ITGA1: variants seen among roughly 807,000 people sequenced by gnomAD.
The protein encoded by ITGA1 is integrin alpha-1.
ITGA1 carries 85 observed loss-of-function variants against 145.9 expected under a neutral mutation model. That is an observed-to-expected ratio of 0.58 (90% confidence interval 0.49 to 0.70). The LOEUF (loss-of-function observed/expected upper bound fraction) is 0.70. Ranked by LOEUF, ITGA1 falls within the 30% of genes least tolerant of loss-of-function variation. The probability of loss-of-function intolerance (pLI) is 0.00; values close to 1 mark genes in which losing one functional copy is unlikely to be tolerated. For missense variants in ITGA1, 1,351 were observed against 1,418.7 expected (o/e 0.95, Z 0.77); for synonymous variants, 520 against 495.3 (o/e 1.05, Z -0.66).
chr5:52,823,092 A>G (rs1414493602), intron 1 of ITGA1, among the ~76,000 whole-genome samples: 1 of 152,170 alleles, frequency 6.6e-6, no homozygotes, highest in East Asian at 1.9e-4. Flanking sequence ...AGTTCTCTCA[A>G]TGGTGCCCCG....
At chr5:52,823,127 T>G (rs1429852275) in intron 1 of ITGA1, among the ~76,000 whole-genome samples, 1 of 152,182 alleles carries the variant, frequency 6.6e-6, no homozygotes, top group African/African-American at 2.4e-5. Context: ...CTTCTGAATC[T>G]TAGACAAGCC....
At chr5:52,830,785 A>G (rs1393092073) in intron 1 of ITGA1, among the ~76,000 whole-genome samples, 7 of 152,194 alleles carry the variant, frequency 4.6e-5, no homozygotes, top group Admixed American at 1.3e-4. Flanking sequence ...TCACCCTAAC[A>G]TACTTTCCAT....
intron 1 of ITGA1, among the ~76,000 whole-genome samples, chr5:52,808,062 C>A (rs964171798): frequency 1.3e-5 from 2 of 152,042 alleles, no homozygotes; most frequent in Admixed American, 1.3e-4. Context: ...GGAGTGGATT[C>A]TGAAACACTG....
At chr5:52,802,388 T>G (rs1748508019) in intron 1 of ITGA1, 1 of 152,236 alleles carries the variant, frequency 6.6e-6, no homozygotes, top group Non-Finnish European at 1.5e-5. Flanking sequence ...AAGACAAGTT[T>G]TAAATATTTT....
intron 1 of ITGA1, among the ~76,000 whole-genome samples, chr5:52,836,537 A>G (rs1219604173): frequency 1.3e-5 from 2 of 152,122 alleles, no homozygotes; most frequent in East Asian, 1.9e-4. Flanking sequence ...TGAATGCGAG[A>G]TGACAGCTCC....
At chr5:52,889,816 A>C (rs1750114671) in intron 8 of ITGA1, 1 of 152,134 alleles carries the variant, frequency 6.6e-6, no homozygotes, top group Non-Finnish European at 1.5e-5. Flanking sequence ...GGAAAAAGAA[A>C]TGTGAAGCCA....
intron 1 of ITGA1, among the ~76,000 whole-genome samples, chr5:52,819,155 T>C (rs1395013855): frequency 6.6e-6 from 1 of 152,240 alleles, no homozygotes; most frequent in Non-Finnish European, 1.5e-5. Context: ...CCTTTGGGTA[T>C]ATACCCAGTA....
intron 26 of ITGA1, among the ~76,000 whole-genome samples, chr5:52,944,592 T>G (rs1193442345): frequency 6.6e-6 from 1 of 152,214 alleles, no homozygotes; most frequent in African/African-American, 2.4e-5. Flanking sequence ...TAATCCTAAA[T>G]AAGTGCCTAG....
intron 1 of ITGA1, among the ~76,000 whole-genome samples, chr5:52,796,016 C>T (rs780304677): frequency 4.9e-4 from 75 of 151,952 alleles, no homozygotes; most frequent in African/African-American, 1.2e-3. Context: ...AAAGATAGCA[C>T]GCAAAATTGA....
chr5:52,807,339 T>C (rs1290779819), intron 1 of ITGA1, among the ~76,000 whole-genome samples: 2 of 152,174 alleles, frequency 1.3e-5, no homozygotes, highest in East Asian at 1.9e-4. Flanking sequence ...TCAGGTCTTA[T>C]GGTAAGTGCT....
intron 14 of ITGA1, among the ~76,000 whole-genome samples, chr5:52,912,484 GTATTATATATAGTGTAT>G (rs1207541850): frequency 3.7e-3 from 454 of 122,888 alleles, no homozygotes; most frequent in African/African-American, 0.014. Context: ...TCCAGTATAT[GTATTATATATAGTGTAT>G]CCACTATAGG....
chr5:52,918,154 G>A (rs552058520), intron 15 of ITGA1, among the ~76,000 whole-genome samples: 13 of 152,108 alleles, frequency 8.5e-5, no homozygotes, highest in African/African-American at 2.9e-4. Context: ...CTTTTGACCT[G>A]GCATAAAATA....
chr5:52,870,629 G>A (rs1749763347), intron 6 of ITGA1, among the ~76,000 whole-genome samples: 1 of 152,172 alleles, frequency 6.6e-6, no homozygotes, highest in Admixed American at 6.5e-5. Context: ...CTGCTGACAG[G>A]GAAGTCGGAG....
At position 52,918,805 on chromosome 5, in the gene ITGA1, T is replaced by A. The variant is rs1257127060; in HGVS notation, c.2062T>A (p.Cys688Ser). The A allele has an allele frequency of 6.2e-7, 1 of 1,612,624 alleles. No homozygotes were observed. The highest frequency in any genetic ancestry group is 8.5e-7 in the Non-Finnish European group (1 of 1,179,264). ...PNKVNIQKKNCHMEGKETVCI... is the reference protein window; with the variant it reads ...PNKVNIQKKNSHMEGKETVCI... ...TAAAGTGAATATTCAAAAGAAAAACTGCCATATGGAGGGAAAGGAAACAGT... is the reference window on the plus strand; with the variant it reads ...TAAAGTGAATATTCAAAAGAAAAACAGCCATATGGAGGGAAAGGAAACAGT... Residue 688 changes from cysteine (C) to serine (S), a missense_variant, in exon 16 of 29, where the codon TGC becomes AGC. Transcript: ENST00000282588.
intron 14 of ITGA1, among the ~76,000 whole-genome samples, chr5:52,911,192 C>G (rs1466448766): frequency 8.1e-6 from 1 of 123,540 alleles, no homozygotes; most frequent in African/African-American, 3.0e-5. Flanking sequence ...ATATAGTGTA[C>G]ATATAGTATA....
At chr5:52,851,387 C>A (rs1308270367) in intron 2 of ITGA1, among the ~76,000 whole-genome samples, 1 of 152,104 alleles carries the variant, frequency 6.6e-6, no homozygotes, top group Non-Finnish European at 1.5e-5. Context: ...AGAACCTATC[C>A]TATTGTGAGA....
chr5:52,912,752 A>ATTTT (rs1333581841), intron 14 of ITGA1, among the ~76,000 whole-genome samples: 5 of 142,582 alleles, frequency 3.5e-5, no homozygotes, highest in East Asian at 2.0e-4. Flanking sequence ...ATATATATAT[A>ATTTT]TATTTTTTTT....
At chr5:52,865,403 CTT>C (rs954081058) in intron 5 of ITGA1, among the ~76,000 whole-genome samples, 1 of 152,120 alleles carries the variant, frequency 6.6e-6, no homozygotes, top group Non-Finnish European at 1.5e-5. Flanking sequence ...TTTATAAAAA[CTT>C]ATATAAAATT....
rs908428889 is a variant in ITGA1, at chr5:52,790,005, G to A, written c.61+1591G>A. On this transcript the variant is annotated intron_variant, in intron 1 of 28. Transcript: ENST00000282588. ...TGTGCACTATATTTATGCCCATTTC[G>A]CAACACATGAGGGATCTGAAATTGG... Among the ~76,000 whole-genome samples, 12 of 152,060 alleles carry A rather than the reference G, an allele frequency of 7.9e-5. 1 individual carries two copies. Among genetic ancestry groups the A allele is most frequent in the African/African-American group, 2.4e-4 (10 of 41,384 alleles).
Sources: allele counts gnomAD v4.1 joint callset (sites outside exome capture counted in the v4.1 genomes callset), GRCh38; gene constraint gnomAD v4.1.1; transcripts MANE v1.5; gene names NCBI Gene and HGNC (gene_info 2026-07-23, HGNC 2026-07-21).